FAXC: variants seen among roughly 807,000 people sequenced by gnomAD.
The protein encoded by FAXC is failed axon connections homolog.
FAXC carries 10 observed loss-of-function variants against 41.9 expected under a neutral mutation model. That is an observed-to-expected ratio of 0.24 (90% confidence interval 0.15 to 0.41). The LOEUF (loss-of-function observed/expected upper bound fraction) is 0.41, where lower values mean the gene tolerates loss of function less well. FAXC is among the 10% of genes least tolerant of loss of function. The probability of loss-of-function intolerance (pLI) is 1.00; values close to 1 mark genes in which losing one functional copy is unlikely to be tolerated. For missense variants in FAXC, 399 were observed against 510.9 expected (o/e 0.78, Z 2.11); for synonymous variants, 183 against 183.8 (o/e 1.00, Z 0.03).
chr6:99,289,770 A>G (rs141509787), intron 5 of FAXC, among the ~76,000 whole-genome samples: 2 of 151,950 alleles, frequency 1.3e-5, no homozygotes, highest in East Asian at 2.0e-4. Context: ...CCTGCCAAAC[A>G]TCATACATTA....
At chr6:99,345,111 G>A (rs1773547770) in intron 1 of FAXC, among the ~76,000 whole-genome samples, 1 of 152,124 alleles carries the variant, frequency 6.6e-6, no homozygotes, top group South Asian at 2.1e-4. Context: ...ATTTAAGATT[G>A]ACTCTGAAAT....
intron 4 of FAXC, among the ~76,000 whole-genome samples, chr6:99,321,747 A>C (rs764546010): frequency 5.3e-5 from 8 of 152,250 alleles, no homozygotes; most frequent in Non-Finnish European, 1.2e-4. Flanking sequence ...ACGCGAGAGA[A>C]ACAATTGTCA....
rs750313180 is a variant in FAXC, at chr6:99,271,707, G to A, written c.*9457C>T. ...TCAATCAGTATTATCACTGAAATGGGAAATTAGGGGGTTCTCTCATTTCCT... is the reference window on the plus strand; with the variant it reads ...TCAATCAGTATTATCACTGAAATGGAAAATTAGGGGGTTCTCTCATTTCCT... On this transcript the variant is annotated 3_prime_UTR_variant, in exon 6 of 6. Coordinates refer to ENST00000389677, the MANE Select transcript of FAXC (RefSeq NM_032511.4). 6.6e-6 allele frequency: 1 copy of A among 152,200 alleles called. No homozygotes were observed. The highest frequency in any genetic ancestry group is 1.5e-5 in the Non-Finnish European group (1 of 68,042). 9.4% of individuals were successfully genotyped at this position (152,200 alleles called of 1,614,324 possible).
At chr6:99,301,006 T>C (rs970685912) in intron 4 of FAXC, among the ~76,000 whole-genome samples, 14 of 152,212 alleles carry the variant, frequency 9.2e-5, no homozygotes, top group Non-Finnish European at 4.4e-5. Context: ...CTTTTCTTCA[T>C]TTTATGGATT....
chr6:99,340,559 T>C (rs1172091326), intron 2 of FAXC, among the ~76,000 whole-genome samples: 1 of 151,390 alleles, frequency 6.6e-6, no homozygotes, highest in Non-Finnish European at 1.5e-5. Context: ...AATAAAAAGA[T>C]AAATCCTTTA....
rs1267887870 is a variant in FAXC at position 99,277,619 on chromosome 6, G to A, written c.*3545C>T. 6.6e-6 allele frequency: 1 copy of A among 152,272 alleles called. No homozygotes were observed. The highest frequency in any genetic ancestry group is 1.5e-5 in the Non-Finnish European group (1 of 68,076). The allele number at this position is 152,272 out of a possible 1,614,324, so 9.4% of individuals were successfully genotyped here. On this transcript the variant is annotated 3_prime_UTR_variant, in exon 6 of 6. Transcript: ENST00000389677. ...GTATTGGTCTTGACCAGGCTGACAG[G>A]ACATGGACAAAAGCGAAGTAGGATT...
chr6:99,291,661 G>T, intron 5 of FAXC, 43 bp downstream of exon 5: 1 of 1,414,752 alleles, frequency 7.1e-7, no homozygotes, highest in Non-Finnish European at 1.0e-6. Context: ...TGCCCACCCA[G>T]CCCCAGTAAG....
At chr6:99,301,785 G>T (rs1771718785) in intron 4 of FAXC, among the ~76,000 whole-genome samples, 1 of 152,176 alleles carries the variant, frequency 6.6e-6, no homozygotes, top group Non-Finnish European at 1.5e-5. Context: ...TCGGGTACTT[G>T]CCACCCACCA....
intron 4 of FAXC, chr6:99,309,846 A>G: frequency 1.1e-6 from 1 of 940,624 alleles, no homozygotes; most frequent in Non-Finnish European, 1.3e-6. Flanking sequence ...CCAGAATGCA[A>G]TCAATACAGG....
intron 4 of FAXC, among the ~76,000 whole-genome samples, chr6:99,318,306 C>CACACACACACACAA (rs147852055): frequency 1.8e-4 from 24 of 135,318 alleles, no homozygotes; most frequent in Middle Eastern, 3.9e-3. Flanking sequence ...CACACACACA[C>CACACACACACACAA]AAAATAGAAG....
At chr6:99,301,546 G>A (rs1396072086) in intron 4 of FAXC, among the ~76,000 whole-genome samples, 1 of 152,220 alleles carries the variant, frequency 6.6e-6, no homozygotes, top group Non-Finnish European at 1.5e-5. Flanking sequence ...ACTTTCTCCA[G>A]TGCATACTTC....
chr6:99,276,306 C>G lies in FAXC; in HGVS notation c.*4858G>C, dbSNP rs1770616403. Reference sequence around the variant, plus strand: ...AAACCTGATTGTGCAGACCTTTCTTCTTTAAGGAAGAAAAATCCAGCCTCT... The same window carrying G: ...AAACCTGATTGTGCAGACCTTTCTTGTTTAAGGAAGAAAAATCCAGCCTCT... On this transcript the variant is annotated 3_prime_UTR_variant, in exon 6 of 6. Coordinates refer to ENST00000389677, the MANE Select transcript of FAXC (RefSeq NM_032511.4). 1 of 152,172 alleles carries G rather than the reference C, an allele frequency of 6.6e-6. No individual in the cohort carries two copies. The highest frequency in any genetic ancestry group is 1.9e-4 in the East Asian group (1 of 5,194). 9.4% of individuals were successfully genotyped at this position (152,172 alleles called of 1,614,324 possible).
intron 5 of FAXC, among the ~76,000 whole-genome samples, chr6:99,283,033 T>C (rs1025212926): frequency 1.3e-5 from 2 of 152,348 alleles, no homozygotes; most frequent in African/African-American, 2.4e-5. Context: ...GTGCACACTA[T>C]GTTATATGGC....
chr6:99,315,811 T>G (rs1028943054), intron 4 of FAXC, among the ~76,000 whole-genome samples: 7 of 152,224 alleles, frequency 4.6e-5, no homozygotes, highest in African/African-American at 1.7e-4. Context: ...CATTCTTTTA[T>G]TCACTCATCC....
Position 99,274,923 on chromosome 6 carries a change from A to T in FAXC, c.*6241T>A, listed in dbSNP as rs1295177956. ...TTTTTTAAAGAGGAGGAAGACAGTA[A>T]ATATTCAGAGCATTCCTCTTTTTTA... On this transcript the variant is annotated 3_prime_UTR_variant, in exon 6 of 6. Transcript: ENST00000389677. 1 of 152,208 alleles carries T rather than the reference A, an allele frequency of 6.6e-6. No individual in the cohort carries two copies. The highest frequency in any genetic ancestry group is 1.5e-5 in the Non-Finnish European group (1 of 68,036). 9.4% of individuals were successfully genotyped at this position (152,208 alleles called of 1,614,324 possible).
intron 2 of FAXC, among the ~76,000 whole-genome samples, chr6:99,341,467 T>C (rs1773425444): frequency 6.6e-6 from 1 of 152,144 alleles, no homozygotes; most frequent in African/African-American, 2.4e-5. Context: ...TATCTCAATA[T>C]CTGATAACAC....
chr6:99,288,585 T>A (rs1270189125), intron 5 of FAXC, among the ~76,000 whole-genome samples: 1 of 152,158 alleles, frequency 6.6e-6, no homozygotes, highest in Non-Finnish European at 1.5e-5. Flanking sequence ...ACCAATGTGA[T>A]AACATATTTA....
intron 4 of FAXC, among the ~76,000 whole-genome samples, chr6:99,316,574 C>T (rs1417018468): frequency 1.3e-5 from 2 of 152,184 alleles, no homozygotes; most frequent in African/African-American, 4.8e-5. Context: ...TCCCTCAACA[C>T]ATGCCTGTCT....
chr6:99,345,077 A>G (rs756129735), intron 1 of FAXC, among the ~76,000 whole-genome samples: 18 of 152,236 alleles, frequency 1.2e-4, no homozygotes, highest in Non-Finnish European at 2.2e-4. Flanking sequence ...CAAAGACGTT[A>G]AATAACTTGC....
Sources: gnomAD v4.1 joint callset for allele counts (sites outside exome capture counted in the v4.1 genomes callset) on GRCh38, gnomAD v4.1.1 for gene constraint, MANE v1.5 for transcripts, NCBI Gene and HGNC (gene_info 2026-07-23, HGNC 2026-07-21) for gene names.